GPC5: variants seen among roughly 807,000 people sequenced by gnomAD.
GPC5 encodes the protein glypican-5.
A neutral mutation model predicts 53.9 loss-of-function variants in GPC5; 47 were observed. The observed-to-expected ratio is 0.87, with a 90% CI of 0.69 to 1.11. The LOEUF (loss-of-function observed/expected upper bound fraction) is 1.11, where lower values mean the gene tolerates loss of function less well. Among genes scored for constraint, GPC5 ranks in the 50% most tolerant of loss-of-function variants. GPC5 has a pLI of 0.00. For synonymous variants in GPC5, 286 were observed against 263.3 expected, an observed-to-expected ratio of 1.09 and a Z score of -0.84; for missense variants, 748 against 713.1, an observed-to-expected ratio of 1.05 and a Z score of -0.56.
intron 7 of GPC5, among the ~76,000 whole-genome samples, chr13:92,527,276 A>G (rs959574537): frequency 1.3e-5 from 2 of 149,240 alleles, no homozygotes; most frequent in Non-Finnish European, 3.0e-5. Flanking sequence ...AGAAAGAAAG[A>G]AAGAAAAAGA....
At chr13:91,928,318 T>A (rs1305199851) in intron 6 of GPC5, among the ~76,000 whole-genome samples, 6 of 152,174 alleles carry the variant, frequency 3.9e-5, no homozygotes, top group Non-Finnish European at 5.9e-5. Flanking sequence ...CTCACATAGA[T>A]TCAATTTTCA....
Position 92,426,759 on chromosome 13 carries a change from CTATG to C in GPC5, c.1561+281771_1561+281774del, listed in dbSNP as rs202107185. Reference sequence around the variant, plus strand: ...AAAATGAAAATTAAAAATTAAGAAACTATGGATGGAGGACAGAGGGCAAAAAGTG... The same window carrying C: ...AAAATGAAAATTAAAAATTAAGAAACGATGGAGGACAGAGGGCAAAAAGTG... On this transcript the variant is annotated intron_variant, in intron 7 of 7. Transcript: ENST00000377067. 6.5e-4 allele frequency among the ~76,000 whole-genome samples: 99 copies of C among 151,934 alleles called. 1 individual carries two copies. In the East Asian group the frequency reaches 0.017, roughly 26 times the overall value.
intron 7 of GPC5, among the ~76,000 whole-genome samples, chr13:92,371,207 A>G (rs1476150472): frequency 6.6e-6 from 1 of 152,042 alleles, no homozygotes; most frequent in East Asian, 1.9e-4. Flanking sequence ...CATCACCAAA[A>G]ACTGTTTAGC....
chr13:92,757,382 A>C (rs1288684764), intron 7 of GPC5, among the ~76,000 whole-genome samples: 2 of 152,230 alleles, frequency 1.3e-5, no homozygotes, highest in African/African-American at 4.8e-5. Context: ...AAAACCATGG[A>C]AGAAAACCTA....
In GPC5 at chr13:92,479,257, C is replaced by T. The variant is rs888620661; in HGVS notation, c.1561+334268C>T. Among the ~76,000 whole-genome samples, 16 of 151,942 alleles carry T rather than the reference C, an allele frequency of 1.1e-4. 1 individual carries two copies. The highest frequency in any genetic ancestry group is 1.9e-4 in the Non-Finnish European group (13 of 67,992). ...GCCCAGGGACATACCACGATTGGGCCCAGGAGACAGTAAGAGAGTTTCAGT... is the reference window on the plus strand; with the variant it reads ...GCCCAGGGACATACCACGATTGGGCTCAGGAGACAGTAAGAGAGTTTCAGT... On this transcript the variant is annotated intron_variant, in intron 7 of 7. Transcript: ENST00000377067.
chr13:91,534,973 A>T (rs77678609), intron 2 of GPC5, among the ~76,000 whole-genome samples: 14,562 of 152,184 alleles, frequency 0.096, 900 homozygotes, highest in South Asian at 0.28. Context: ...AAACCCACTG[A>T]GTGACCTTCC....
intron 7 of GPC5, among the ~76,000 whole-genome samples, chr13:92,523,759 C>T (rs1156396502): frequency 1.3e-5 from 2 of 152,032 alleles, no homozygotes; most frequent in Non-Finnish European, 2.9e-5. Context: ...TTATAGTCAA[C>T]AAATTAATTA....
intron 6 of GPC5, among the ~76,000 whole-genome samples, chr13:92,032,104 A>T (rs2040856970): frequency 1.4e-5 from 2 of 144,078 alleles, no homozygotes; most frequent in Non-Finnish European, 3.0e-5. Context: ...ACTCAGCCAT[A>T]AAAAGGAACA....
At chr13:92,649,135 T>C (rs1594381426) in intron 7 of GPC5, among the ~76,000 whole-genome samples, 6 of 152,262 alleles carry the variant, frequency 3.9e-5, no homozygotes, top group Middle Eastern at 3.4e-3. Flanking sequence ...ATTTCTAAAT[T>C]AATAAGAAAA....
intron 7 of GPC5, among the ~76,000 whole-genome samples, chr13:92,374,157 C>A (rs1002919688): frequency 6.6e-6 from 1 of 152,050 alleles, no homozygotes; most frequent in Non-Finnish European, 1.5e-5. Context: ...TAGTTTCAAA[C>A]CTTATTTAAA....
intron 1 of GPC5, among the ~76,000 whole-genome samples, chr13:91,418,284 G>C (rs961154711): frequency 3.3e-5 from 5 of 152,100 alleles, no homozygotes; most frequent in African/African-American, 1.2e-4. Context: ...TTTGAGAACT[G>C]GGGAGTAAAT....
intron 6 of GPC5, among the ~76,000 whole-genome samples, chr13:91,974,269 G>A (rs2040274946): frequency 6.6e-6 from 1 of 152,110 alleles, no homozygotes; most frequent in Admixed American, 6.6e-5. Context: ...TTCTGGCCAG[G>A]GCAATTAGGC....
chr13:92,760,166 G>A (rs1212074314), intron 7 of GPC5, among the ~76,000 whole-genome samples: 1 of 152,056 alleles, frequency 6.6e-6, no homozygotes. Flanking sequence ...TCTTTGTCTG[G>A]TTTAGGTAAG....
intron 7 of GPC5, among the ~76,000 whole-genome samples, chr13:92,364,328 T>C (rs762608332): frequency 6.6e-6 from 1 of 151,822 alleles, no homozygotes; most frequent in Non-Finnish European, 1.5e-5. Context: ...AGGTGTGAAG[T>C]TTGTTTTAAA....
intron 5 of GPC5, among the ~76,000 whole-genome samples, chr13:91,813,918 T>C (rs1427311375): frequency 7.4e-6 from 1 of 134,390 alleles, no homozygotes; most frequent in Non-Finnish European, 1.6e-5. Context: ...TTATCTTAAC[T>C]GATTTTTTTT....
At chr13:91,823,722 A>T (rs1456582874) in intron 5 of GPC5, among the ~76,000 whole-genome samples, 8 of 152,102 alleles carry the variant, frequency 5.3e-5, no homozygotes, top group Non-Finnish European at 8.8e-5. Flanking sequence ...TTTTGCTATA[A>T]AACAGTGAGT....
At chr13:92,856,571 T>C (rs1879006517) in intron 7 of GPC5, among the ~76,000 whole-genome samples, 1 of 152,086 alleles carries the variant, frequency 6.6e-6, no homozygotes. Context: ...AATACAATTC[T>C]ATGCCTAAAA....
At chr13:92,600,941 T>C (rs946091717) in intron 7 of GPC5, among the ~76,000 whole-genome samples, 1 of 152,146 alleles carries the variant, frequency 6.6e-6, no homozygotes, top group Non-Finnish European at 1.5e-5. Flanking sequence ...CATGATTTTA[T>C]CTCTTTATCC....
At chr13:92,657,585 T>TG (rs1394993803) in intron 7 of GPC5, among the ~76,000 whole-genome samples, 3 of 89,726 alleles carry the variant, frequency 3.3e-5, no homozygotes, top group East Asian at 2.2e-4. Context: ...TTTGGTTTTT[T>TG]TTTTTTTTTT....
Sources: allele counts gnomAD v4.1 joint callset (sites outside exome capture counted in the v4.1 genomes callset), GRCh38; gene constraint gnomAD v4.1.1; transcripts MANE v1.5; gene names NCBI Gene and HGNC (gene_info 2026-07-23, HGNC 2026-07-21).